Variants in CFAP95 observed in about 807,000 individuals in gnomAD.
CFAP95 encodes cilia and flagella associated protein 95.
At chr9:69,902,823 T>C in the CFAP95 span, among the ~76,000 whole-genome samples, 2 of 152,202 alleles carry the variant, frequency 1.3e-5, no homozygotes, top group Non-Finnish European at 2.9e-5. Flanking sequence ...TCCTATTTCA[T>C]GTTTGCATGT....
the CFAP95 span, among the ~76,000 whole-genome samples, chr9:69,867,598 G>A: frequency 6.6e-6 from 1 of 152,218 alleles, no homozygotes; most frequent in Non-Finnish European, 1.5e-5. Context: ...GCCCTCTGCA[G>A]CTGGGCTGGC....
chr9:69,896,703 A>G, the CFAP95 span, among the ~76,000 whole-genome samples: 1 of 152,188 alleles, frequency 6.6e-6, no homozygotes, highest in Non-Finnish European at 1.5e-5. Context: ...TTGTGACACA[A>G]TCATTGGAGG....
At chr9:69,843,554 C>T in the CFAP95 span, among the ~76,000 whole-genome samples, 499 of 17,936 alleles carry the variant, frequency 0.028, 66 homozygotes, top group Admixed American at 0.039. Flanking sequence ...TCCTCCTCCT[C>T]CTCCTTCTTC....
At chr9:69,873,223 A>T in the CFAP95 span, among the ~76,000 whole-genome samples, 207 of 152,284 alleles carry the variant, frequency 1.4e-3, 1 homozygote, top group African/African-American at 4.8e-3. Flanking sequence ...TGACATTTAA[A>T]ATAAAGTCAC....
chr9:69,905,114 G>A, the CFAP95 span, among the ~76,000 whole-genome samples: 2 of 152,050 alleles, frequency 1.3e-5, no homozygotes, highest in Non-Finnish European at 2.9e-5. Flanking sequence ...CCCATAATAG[G>A]CACTCAATAA....
chr9:69,834,329 C>A, the CFAP95 span, among the ~76,000 whole-genome samples: 4 of 152,124 alleles, frequency 2.6e-5, no homozygotes, highest in African/African-American at 4.8e-5. Context: ...TTATTGAGAC[C>A]CAGTTGTCTA....
the CFAP95 span, among the ~76,000 whole-genome samples, chr9:69,823,466 C>A: frequency 6.6e-6 from 1 of 152,166 alleles, no homozygotes; most frequent in Non-Finnish European, 1.5e-5. Context: ...AACTCTCTTG[C>A]TGTGTGTTGC....
At chr9:69,905,923 T>C in the CFAP95 span, 1 of 1,436,962 alleles carries the variant, frequency 7.0e-7, no homozygotes, top group Non-Finnish European at 9.3e-7. Flanking sequence ...ACTTCAGTTA[T>C]TAAATATTAT....
At chr9:69,843,279 T>C in the CFAP95 span, among the ~76,000 whole-genome samples, 2 of 151,978 alleles carry the variant, frequency 1.3e-5, no homozygotes, top group African/African-American at 4.8e-5. Flanking sequence ...CCCTAAACAA[T>C]TCTAGCCCTG....
At chr9:69,906,043 C>G in the CFAP95 span, 1 of 1,613,312 alleles carries the variant, frequency 6.2e-7, no homozygotes, top group Admixed American at 1.7e-5. Context: ...GATTTGGCAT[C>G]AACACTTGGC....
the CFAP95 span, among the ~76,000 whole-genome samples, chr9:69,890,137 A>G: frequency 6.6e-6 from 1 of 152,162 alleles, no homozygotes; most frequent in South Asian, 2.1e-4. Flanking sequence ...ATGGGATTGG[A>G]CTGTATCTTT....
the CFAP95 span, among the ~76,000 whole-genome samples, chr9:69,871,291 C>T: frequency 6.6e-6 from 1 of 152,054 alleles, no homozygotes; most frequent in Non-Finnish European, 1.5e-5. Flanking sequence ...CATGGTTCAT[C>T]AAGCAAGAAT....
At chr9:69,894,341 T>G in the CFAP95 span, among the ~76,000 whole-genome samples, 1 of 152,240 alleles carries the variant, frequency 6.6e-6, no homozygotes, top group East Asian at 1.9e-4. Context: ...ACTACCGAGT[T>G]GATTGGGAGA....
At chr9:69,874,241 G>T in the CFAP95 span, among the ~76,000 whole-genome samples, 1 of 152,126 alleles carries the variant, frequency 6.6e-6, no homozygotes, top group South Asian at 2.1e-4. Flanking sequence ...AGAATTCTAA[G>T]TAGTTAATTT....
chr9:69,822,850 A>T, the CFAP95 span, among the ~76,000 whole-genome samples: 1 of 152,218 alleles, frequency 6.6e-6, no homozygotes, highest in East Asian at 1.9e-4. Flanking sequence ...AAGGCTGGGG[A>T]ACAGGAAGAC....
At chr9:69,830,048 G>A in the CFAP95 span, among the ~76,000 whole-genome samples, 1 of 152,188 alleles carries the variant, frequency 6.6e-6, no homozygotes, top group Non-Finnish European at 1.5e-5. Flanking sequence ...CAACTGGAAC[G>A]AGGGATGAAA....
chr9:69,854,513 G>T, the CFAP95 span, among the ~76,000 whole-genome samples: 2 of 152,220 alleles, frequency 1.3e-5, no homozygotes, highest in Non-Finnish European at 2.9e-5. Context: ...CTTTCTAGCT[G>T]ATTTGCCTGG....
chr9:69,888,298 T>A, the CFAP95 span, among the ~76,000 whole-genome samples: 1 of 152,162 alleles, frequency 6.6e-6, no homozygotes, highest in Non-Finnish European at 1.5e-5. Flanking sequence ...GATTTATATT[T>A]TTCTATTTAA....
At chr9:69,822,933 A>C in the CFAP95 span, among the ~76,000 whole-genome samples, 425 of 152,364 alleles carry the variant, frequency 2.8e-3, no homozygotes, top group Non-Finnish European at 4.7e-3. Flanking sequence ...GTAGAGAAAC[A>C]GATTCAATGA....
Sources: allele counts gnomAD v4.1 joint callset (sites outside exome capture counted in the v4.1 genomes callset), GRCh38; gene constraint gnomAD v4.1.1; transcripts MANE v1.5; gene names NCBI Gene and HGNC (gene_info 2026-07-23, HGNC 2026-07-21).